NALF1: variants seen among roughly 807,000 people sequenced by gnomAD.
NALF1 encodes the protein family with sequence similarity 155 member A.
A neutral mutation model predicts 48.4 loss-of-function variants in NALF1; 3 were observed. That is an observed-to-expected ratio of 0.06 (90% CI 0.03 to 0.16). NALF1 has a LOEUF of 0.16. Ranked by LOEUF, NALF1 falls within the 10% of genes least tolerant of loss-of-function variation. NALF1 has a pLI of 1.00. For missense variants in NALF1, 526 were observed against 571.5 expected, an observed-to-expected ratio of 0.92 and a Z score of 0.81; for synonymous variants, 262 against 245.7, an observed-to-expected ratio of 1.07 and a Z score of -0.62.
rs538217734 is a variant in NALF1 at position 107,472,259 on chromosome 13, G to A, written c.916-261504C>T. Among the ~76,000 whole-genome samples the A allele has an allele frequency of 2.5e-3, 384 of 152,306 alleles. 1 individual carries two copies. Among genetic ancestry groups the A allele is most frequent in the Non-Finnish European group, 4.7e-3 (321 of 68,016 alleles). ...CAGGAGAATTGCTTGAACCTGGGAG[G>A]TGGAGGTTGCAGTGAGCTGAGATCG... On this transcript the variant is annotated intron_variant, in intron 1 of 2. Coordinates refer to ENST00000375915, the MANE Select transcript of NALF1 (RefSeq NM_001080396.3).
chr13:107,271,802 A>ATG (rs1437541413), intron 1 of NALF1, among the ~76,000 whole-genome samples: 2 of 61,942 alleles, frequency 3.2e-5, no homozygotes, highest in East Asian at 3.2e-4. Context: ...ATATATATAT[A>ATG]TATATATATA....
intron 1 of NALF1, among the ~76,000 whole-genome samples, chr13:107,638,201 A>ATATATATATATATATGTATATGTATG (rs372122331): frequency 1.1e-4 from 12 of 110,850 alleles, no homozygotes; most frequent in African/African-American, 3.1e-4. Flanking sequence ...ATATATATAT[A>ATATATATATATATATGTATATGTATG]TATATAATTT....
chr13:107,854,139 G>A (rs184298676), intron 1 of NALF1, among the ~76,000 whole-genome samples: 18 of 152,080 alleles, frequency 1.2e-4, no homozygotes, highest in Admixed American at 7.2e-4. Flanking sequence ...ACGAACATTC[G>A]GTGTAAAAAA....
intron 1 of NALF1, among the ~76,000 whole-genome samples, chr13:107,221,076 T>G (rs149411000): frequency 1.4e-3 from 215 of 152,122 alleles, no homozygotes; most frequent in African/African-American, 5.0e-3. Flanking sequence ...AGCTAACCTA[T>G]GGGGTATGCA....
At chr13:107,859,327 A>C (rs1468008213) in intron 1 of NALF1, among the ~76,000 whole-genome samples, 1 of 152,216 alleles carries the variant, frequency 6.6e-6, no homozygotes, top group Non-Finnish European at 1.5e-5. Flanking sequence ...GCTAAGATCA[A>C]TAACGGTATT....
intron 1 of NALF1, among the ~76,000 whole-genome samples, chr13:107,580,015 T>C (rs907665331): frequency 2.2e-4 from 34 of 152,052 alleles, no homozygotes; most frequent in South Asian, 1.0e-3. Context: ...TATTGCGGCA[T>C]TATTCACAAT....
At chr13:107,657,674 T>C (rs1462058993) in intron 1 of NALF1, among the ~76,000 whole-genome samples, 1 of 152,144 alleles carries the variant, frequency 6.6e-6, no homozygotes, top group Admixed American at 6.6e-5. Flanking sequence ...TCAGGAGACA[T>C]GTGCTCTTAC....
chr13:107,633,046 C>G (rs1467468189), intron 1 of NALF1, among the ~76,000 whole-genome samples: 1 of 151,950 alleles, frequency 6.6e-6, no homozygotes, highest in African/African-American at 2.4e-5. Context: ...AATAGTTGGT[C>G]TGGTGATCTT....
intron 1 of NALF1, among the ~76,000 whole-genome samples, chr13:107,236,713 CTATCT>C (rs1880354486): frequency 6.7e-6 from 1 of 150,078 alleles, no homozygotes; most frequent in African/African-American, 2.5e-5. Flanking sequence ...ATCTATCTAT[CTATCT>C]ATCTATCTAT....
intron 1 of NALF1, among the ~76,000 whole-genome samples, chr13:107,462,401 T>G (rs534905912): frequency 6.6e-6 from 1 of 152,312 alleles, no homozygotes; most frequent in South Asian, 2.1e-4. Context: ...AAATGTTAGA[T>G]TACATCAGAA....
At chr13:107,388,170 G>A (rs1334155472) in intron 1 of NALF1, among the ~76,000 whole-genome samples, 1 of 152,148 alleles carries the variant, frequency 6.6e-6, no homozygotes, top group Non-Finnish European at 1.5e-5. Context: ...TTCCCTTATA[G>A]TACTTAATCA....
At chr13:107,680,732 A>T (rs1231467219) in intron 1 of NALF1, among the ~76,000 whole-genome samples, 1 of 101,166 alleles carries the variant, frequency 9.9e-6, no homozygotes, top group South Asian at 4.0e-4. Flanking sequence ...AGAGTGTATG[A>T]GTGTGAATGT....
chr13:107,570,036 T>A (rs959026544), intron 1 of NALF1, among the ~76,000 whole-genome samples: 1 of 152,206 alleles, frequency 6.6e-6, no homozygotes, highest in African/African-American at 2.4e-5. Context: ...TTGACTTTTT[T>A]AGGTAACTTT....
chr13:107,528,956 C>T (rs1438412014), intron 1 of NALF1, among the ~76,000 whole-genome samples: 3 of 152,082 alleles, frequency 2.0e-5, no homozygotes, highest in Non-Finnish European at 4.4e-5. Context: ...AGGTACATGG[C>T]CTCTGCCCAT....
At chr13:107,443,171 T>A (rs1031660349) in intron 1 of NALF1, among the ~76,000 whole-genome samples, 4 of 48,596 alleles carry the variant, frequency 8.2e-5, no homozygotes, top group African/African-American at 1.1e-4. Context: ...TATCTAACAA[T>A]CTATCTATCT....
chr13:107,214,011 C>A (rs758554365), intron 1 of NALF1, among the ~76,000 whole-genome samples: 36 of 152,254 alleles, frequency 2.4e-4, no homozygotes, highest in Non-Finnish European at 3.8e-4. Context: ...GATATAAAGA[C>A]GAGCTTTCCT....
intron 1 of NALF1, among the ~76,000 whole-genome samples, chr13:107,527,303 C>T (rs954223460): frequency 1.3e-5 from 2 of 151,972 alleles, no homozygotes; most frequent in Non-Finnish European, 2.9e-5. Flanking sequence ...ATCAGCGAAG[C>T]GTTCAGGGGA....
At chr13:107,187,352 A>G (rs1879196300) in intron 2 of NALF1, among the ~76,000 whole-genome samples, 1 of 152,012 alleles carries the variant, frequency 6.6e-6, no homozygotes, top group African/African-American at 2.4e-5. Context: ...GTTGTGTCTT[A>G]TTTTCTTCAA....
At chr13:107,218,123 G>A (rs74116535) in intron 1 of NALF1, among the ~76,000 whole-genome samples, 1,688 of 152,188 alleles carry the variant, frequency 0.011, 33 homozygotes, top group African/African-American at 0.039. Context: ...GATGTGCAGC[G>A]TGCCCTCGGT....
Sources: allele counts gnomAD v4.1 joint callset (sites outside exome capture counted in the v4.1 genomes callset), GRCh38; gene constraint gnomAD v4.1.1; transcripts MANE v1.5; gene names NCBI Gene and HGNC (gene_info 2026-07-23, HGNC 2026-07-21).